Variants in CYP7B1 observed in about 807,000 individuals in gnomAD.
CYP7B1 encodes the protein cytochrome P450 7B1.
In CYP7B1, 29 loss-of-function variants were observed where a neutral mutation model predicts 42.7. The observed-to-expected ratio is 0.68, with a 90% CI of 0.51 to 0.93. The LOEUF (loss-of-function observed/expected upper bound fraction) is 0.93, where lower values mean the gene tolerates loss of function less well. Among genes scored for constraint, CYP7B1 ranks in the 40% least tolerant of loss-of-function variants. CYP7B1 has a pLI of 0.00. For synonymous variants in CYP7B1, 235 were observed against 218.2 expected (o/e 1.08, Z -0.68); for missense variants, 655 against 600.5 (o/e 1.09, Z -0.95).
intron 1 of CYP7B1, among the ~76,000 whole-genome samples, chr8:64,713,841 G>T (rs1807116180): frequency 6.6e-6 from 1 of 152,108 alleles, no homozygotes; most frequent in South Asian, 2.1e-4. Flanking sequence ...ACACTCATGG[G>T]TCTTCTCTTT....
At chr8:64,640,001 T>C (rs1805829440) in intron 1 of CYP7B1, among the ~76,000 whole-genome samples, 1 of 152,074 alleles carries the variant, frequency 6.6e-6, no homozygotes, top group Non-Finnish European at 1.5e-5. Flanking sequence ...CACTGATCCA[T>C]GCAACAACAT....
chr8:64,652,757 T>TG (rs1806059305), intron 1 of CYP7B1, among the ~76,000 whole-genome samples: 2 of 152,086 alleles, frequency 1.3e-5, no homozygotes, highest in South Asian at 4.1e-4. Flanking sequence ...GGCAGGAGAA[T>TG]GGCGTGAACC....
intron 1 of CYP7B1, among the ~76,000 whole-genome samples, chr8:64,656,323 G>A (rs1214564491): frequency 6.6e-6 from 1 of 152,138 alleles, no homozygotes; most frequent in Non-Finnish European, 1.5e-5. Context: ...CTGTTCTCTT[G>A]GCTAAAAAGA....
chr8:64,666,956 A>G (rs946678627), intron 1 of CYP7B1, among the ~76,000 whole-genome samples: 11 of 152,210 alleles, frequency 7.2e-5, no homozygotes, highest in African/African-American at 2.7e-4. Context: ...ACTCTACAGG[A>G]AAGTGTTTTC....
intron 1 of CYP7B1, among the ~76,000 whole-genome samples, chr8:64,709,145 G>A (rs1807043421): frequency 1.3e-5 from 2 of 152,160 alleles, no homozygotes. Context: ...TCCTGGGAAG[G>A]GGTGTGTGCT....
intron 1 of CYP7B1, among the ~76,000 whole-genome samples, chr8:64,732,011 G>A (rs1377995882): frequency 6.6e-6 from 1 of 152,250 alleles, no homozygotes; most frequent in African/African-American, 2.4e-5. Flanking sequence ...TACAGGGGCA[G>A]AGCCCTCATG....
At chr8:64,661,091 T>C (rs1043063231) in intron 1 of CYP7B1, among the ~76,000 whole-genome samples, 4 of 152,158 alleles carry the variant, frequency 2.6e-5, no homozygotes, top group African/African-American at 9.7e-5. Flanking sequence ...CTCTTCAATT[T>C]AAAAGAGAGC....
intron 1 of CYP7B1, among the ~76,000 whole-genome samples, chr8:64,629,410 C>T (rs747412483): frequency 1.9e-4 from 29 of 151,922 alleles, no homozygotes; most frequent in Non-Finnish European, 4.1e-4. Context: ...AATAAAATTA[C>T]GTATTTATTA....
chr8:64,629,226 CAAAAA>C (rs10717028), intron 1 of CYP7B1, among the ~76,000 whole-genome samples: 1 of 72,530 alleles, frequency 1.4e-5, no homozygotes, highest in Non-Finnish European at 2.9e-5. Flanking sequence ...GAATCCATCT[CAAAAA>C]AAAAAAAAAA....
At chr8:64,621,763 G>A (rs1385333759) in intron 2 of CYP7B1, among the ~76,000 whole-genome samples, 1 of 142,080 alleles carries the variant, frequency 7.0e-6, no homozygotes, top group Non-Finnish European at 1.5e-5. Context: ...TTTAGATGGA[G>A]TCTCGTTCTG....
intron 1 of CYP7B1, among the ~76,000 whole-genome samples, chr8:64,683,062 G>C (rs1806563391): frequency 6.6e-6 from 1 of 152,124 alleles, no homozygotes; most frequent in Admixed American, 6.5e-5. Flanking sequence ...CCAAATCCAA[G>C]TAGTGTTTCC....
chr8:64,622,458 C>A (rs1373513074), intron 2 of CYP7B1, among the ~76,000 whole-genome samples: 1 of 152,192 alleles, frequency 6.6e-6, no homozygotes, highest in East Asian at 1.9e-4. Context: ...CAGGAAGGAA[C>A]AAGAGATCAG....
At chr8:64,675,376 A>G (rs1238575039) in intron 1 of CYP7B1, among the ~76,000 whole-genome samples, 1 of 151,584 alleles carries the variant, frequency 6.6e-6, no homozygotes, top group Non-Finnish European at 1.5e-5. Context: ...ATTTTTAAAT[A>G]ATAAAACAAT....
chr8:64,746,930 A>G (rs955978524), intron 1 of CYP7B1, among the ~76,000 whole-genome samples: 1 of 151,860 alleles, frequency 6.6e-6, no homozygotes, highest in Non-Finnish European at 1.5e-5. Flanking sequence ...CTCACTTTAT[A>G]GAATATTTTA....
chr8:64,606,150 G>A (rs745741267), intron 4 of CYP7B1, among the ~76,000 whole-genome samples: 10 of 152,200 alleles, frequency 6.6e-5, no homozygotes, highest in Non-Finnish European at 1.3e-4. Flanking sequence ...CGTACAGTGA[G>A]GCAGTGCATA....
rs113648985 is a variant in CYP7B1, at chr8:64,597,854, T to TTAACATTA, written c.1234-933_1234-926dup. ...AAGTATTTCCTGTAGTTGGTGCTCA[T>TTAACATTA]TAACATTAGACCTGCTCACACACAA... On this transcript the variant is annotated intron_variant, in intron 5 of 5. Coordinates refer to ENST00000310193, the MANE Select transcript of CYP7B1 (RefSeq NM_004820.5). Among the ~76,000 whole-genome samples, 487 of 152,308 alleles carry TTAACATTA rather than the reference T, an allele frequency of 3.2e-3. 7 individuals are homozygous for TTAACATTA. Among genetic ancestry groups the TTAACATTA allele is most frequent in the African/African-American group, 0.011 (475 of 41,550 alleles).
intron 1 of CYP7B1, among the ~76,000 whole-genome samples, chr8:64,702,064 G>A (rs1037882259): frequency 1.3e-5 from 2 of 152,026 alleles, no homozygotes; most frequent in Non-Finnish European, 2.9e-5. Context: ...TTAACACAAT[G>A]AGGAGAACCA....
chr8:64,779,667 C>T (rs74586299), intron 1 of CYP7B1, among the ~76,000 whole-genome samples: 3,017 of 152,164 alleles, frequency 0.02, 106 homozygotes, highest in African/African-American at 0.067. Flanking sequence ...TTCTAAGATA[C>T]AGCTAATAAA....
chr8:64,715,894 ACT>A (rs2129632765), intron 1 of CYP7B1, among the ~76,000 whole-genome samples: 1 of 152,308 alleles, frequency 6.6e-6, no homozygotes, highest in South Asian at 2.1e-4. Flanking sequence ...AGGGAGAAAC[ACT>A]CTGTGAGTTC....
Sources: gnomAD v4.1 joint callset for allele counts (sites outside exome capture counted in the v4.1 genomes callset) on GRCh38, gnomAD v4.1.1 for gene constraint, MANE v1.5 for transcripts, NCBI Gene and HGNC (gene_info 2026-07-23, HGNC 2026-07-21) for gene names.